KIF13A: variants seen among roughly 807,000 people sequenced by gnomAD.
The protein encoded by KIF13A is kinesin family member 13A.
Under a neutral mutation model 212.2 loss-of-function variants are expected in KIF13A, and 79 were observed. The ratio of observed to expected loss-of-function variants is 0.37; its 90% CI spans 0.31 to 0.45. KIF13A has a LOEUF of 0.45. Among genes scored for constraint, KIF13A ranks in the 20% least tolerant of loss-of-function variants. KIF13A has a pLI of 1.00. For synonymous variants in KIF13A, 789 were observed against 808.6 expected, an observed-to-expected ratio of 0.98 and a Z score of 0.41; for missense variants, 1,901 against 2,209.0, an observed-to-expected ratio of 0.86 and a Z score of 2.79.
In KIF13A at chr6:17,829,542, G is replaced by C. The variant is rs892835066; in HGVS notation, c.1402-1172C>G. ...AAACACACTGCACCTGGCCTCATGT[G>C]ATTTTAAGTACCTGAACCTCAGACA... On this transcript the variant is annotated intron_variant, in intron 13 of 38. Coordinates refer to ENST00000259711, the MANE Select transcript of KIF13A (RefSeq NM_022113.6). This position sits in a 1 kb window ranked among gnomAD's most constrained non-coding sequence, Gnocchi z 5.4. Among the ~76,000 whole-genome samples, 1 of 152,170 alleles carries C rather than the reference G, an allele frequency of 6.6e-6. No individual in the cohort carries two copies. Among genetic ancestry groups the C allele is most frequent in the Non-Finnish European group, 1.5e-5 (1 of 68,036 alleles).
At chr6:17,810,325 G>A (rs1201435929) in intron 17 of KIF13A, among the ~76,000 whole-genome samples, 10 of 152,170 alleles carry the variant, frequency 6.6e-5, no homozygotes, top group Non-Finnish European at 1.3e-4. Flanking sequence ...TCCTCAGGCC[G>A]TTCCTCGGCT....
In KIF13A at chr6:17,837,565, C is replaced by A. The variant is rs768527050; in HGVS notation, c.849G>T (p.Gly283=). The part of the protein sequence containing the change: ...SNINKSLTTL[G]LVISSLADQA... ...GGTCAGCCAGTGATGATATAACCAA[C>A]CCCAAGGTTGTAAGCGATCTGTCAA... Residue 283 remains glycine (G), a synonymous_variant, in exon 10 of 39, where the codon GGG becomes GGT. Coordinates refer to ENST00000259711, the MANE Select transcript of KIF13A (RefSeq NM_022113.6). The surrounding 1 kb of genome is among the most constrained non-coding windows in gnomAD (Gnocchi z 5.4). The A allele has an allele frequency of 6.2e-7, 1 of 1,606,646 alleles. No individual in the cohort carries two copies. Among genetic ancestry groups the A allele is most frequent in the Admixed American group, 1.7e-5 (1 of 59,022 alleles).
Position 17,919,676 on chromosome 6 carries a change from G to A in KIF13A, c.147-21496C>T, listed in dbSNP as rs932286599. Among the ~76,000 whole-genome samples the A allele has an allele frequency of 4.6e-5, 7 of 152,174 alleles. No homozygotes were observed. Among genetic ancestry groups the A allele is most frequent in the Admixed American group, 3.3e-4 (5 of 15,286 alleles). On this transcript the variant is annotated intron_variant, in intron 2 of 38. Coordinates refer to ENST00000259711, the MANE Select transcript of KIF13A (RefSeq NM_022113.6). This position sits in a 1 kb window ranked among gnomAD's most constrained non-coding sequence, Gnocchi z 4.1. ...ATCTAGTTTTCCAGCACACACAGCA[G>A]ATACGACAGCTAACAAGCAGGGCTG...
chr6:17,790,812 G>C (rs1761469402), intron 25 of KIF13A, among the ~76,000 whole-genome samples: 1 of 152,092 alleles, frequency 6.6e-6, no homozygotes, highest in African/African-American at 2.4e-5. Flanking sequence ...AAAAGCAATA[G>C]CATACTATTT....
chr6:17,948,109 CTTT>C (rs1255727493), intron 2 of KIF13A, among the ~76,000 whole-genome samples: 1 of 152,118 alleles, frequency 6.6e-6, no homozygotes, highest in Non-Finnish European at 1.5e-5. Context: ...CTCTATCCTA[CTTT>C]TTTCTATTCT....
At chr6:17,804,248 G>T in intron 20 of KIF13A, 113 bp downstream of exon 20, 2 of 883,698 alleles carry the variant, frequency 2.3e-6, no homozygotes, top group Non-Finnish European at 3.2e-6. Flanking sequence ...TTGACTATTT[G>T]CCTTAGTTTC....
intron 2 of KIF13A, among the ~76,000 whole-genome samples, chr6:17,927,970 T>A (rs780714948): frequency 6.6e-6 from 1 of 152,234 alleles, no homozygotes; most frequent in Non-Finnish European, 1.5e-5. Flanking sequence ...CCAGCTGATA[T>A]GTGAAAGACA....
At position 17,816,106 on chromosome 6, in the gene KIF13A, A is replaced by T. The variant is rs1368714032; in HGVS notation, c.2000+914T>A. 6.6e-6 allele frequency among the ~76,000 whole-genome samples: 1 copy of T among 150,618 alleles called. No individual in the cohort carries two copies. The highest frequency in any genetic ancestry group is 2.0e-4 in the East Asian group (1 of 5,072). On this transcript the variant is annotated intron_variant, in intron 17 of 38. Coordinates refer to ENST00000259711, the MANE Select transcript of KIF13A (RefSeq NM_022113.6). The surrounding 1 kb of genome is among the most constrained non-coding windows in gnomAD (Gnocchi z 4.3). The stretch of plus-strand genomic sequence containing the variant: ...TTTTTTTTCTGTATTTTTAGTAGAG[A>T]CAGGGTTTCACCATGTTGGCCAGGC...
chr6:17,948,338 C>T (rs1312580178), intron 2 of KIF13A, among the ~76,000 whole-genome samples: 2 of 152,122 alleles, frequency 1.3e-5, no homozygotes, highest in Non-Finnish European at 2.9e-5. Flanking sequence ...TGGGAGAAGA[C>T]TCTGTAGATG....
At chr6:17,948,631 C>T (rs1356021968) in intron 2 of KIF13A, among the ~76,000 whole-genome samples, 1 of 132,732 alleles carries the variant, frequency 7.5e-6, no homozygotes, top group South Asian at 2.4e-4. Flanking sequence ...AGCGTGATCT[C>T]GGCTCACTGG....
intron 3 of KIF13A, 25 bp from the exon 4 acceptor site, chr6:17,873,462 A>G: frequency 6.8e-7 from 1 of 1,471,870 alleles, no homozygotes; most frequent in Non-Finnish European, 9.3e-7. Context: ...AAAATATTAA[A>G]CTTAAAGATT....
intron 2 of KIF13A, among the ~76,000 whole-genome samples, chr6:17,907,573 T>G (rs1476980469): frequency 6.8e-6 from 1 of 147,278 alleles, no homozygotes; most frequent in Non-Finnish European, 1.5e-5. Context: ...AAAAAGGAAC[T>G]GGTATGACAA....
intron 2 of KIF13A, among the ~76,000 whole-genome samples, chr6:17,977,765 A>G (rs1780711856): frequency 1.3e-5 from 2 of 152,222 alleles, no homozygotes; most frequent in African/African-American, 4.8e-5. Context: ...GATTTGTTAC[A>G]TATTGTATAC....
rs1562023209 is a variant in KIF13A, at chr6:17,826,190, A to G, written c.1533-66T>C. On this transcript the variant is annotated intron_variant, in intron 14 of 38. Transcript: ENST00000259711. The surrounding 1 kb of genome is among the most constrained non-coding windows in gnomAD (Gnocchi z 4.7). The stretch of plus-strand genomic sequence containing the variant: ...AGCACAAGACCTTGTCCTGGTAGCC[A>G]AAGAGATAACTAGGGGAGCTTTCTC... 1 of 1,217,878 alleles carries G rather than the reference A, an allele frequency of 8.2e-7. No individual in the cohort carries two copies. 75.4% of individuals were successfully genotyped at this position (1,217,878 alleles called of 1,614,324 possible). A position where few individuals can be genotyped will look rare whatever the true frequency, so the allele number is the denominator to read the frequency against.
At chr6:17,804,150 T>TCAAACAAA (rs60485477) in intron 20 of KIF13A, among the ~76,000 whole-genome samples, 5,655 of 150,714 alleles carry the variant, frequency 0.038, 135 homozygotes, top group Non-Finnish European at 0.046. Context: ...AGACTCCGTC[T>TCAAACAAA]CAAACAAACA....
rs991338947 is a variant in KIF13A at position 17,768,597 on chromosome 6, A to G, written c.4581+2517T>C. On this transcript the variant is annotated intron_variant, in intron 38 of 38. Transcript: ENST00000259711. The surrounding 1 kb of genome is among the most constrained non-coding windows in gnomAD (Gnocchi z 5.4). Reference sequence around the variant, plus strand: ...CTGCAGGGCATACTGGAATTGCACTATATTTGAAAGCACCTGGAGTCACTG... The same window carrying G: ...CTGCAGGGCATACTGGAATTGCACTGTATTTGAAAGCACCTGGAGTCACTG... 6.6e-6 allele frequency among the ~76,000 whole-genome samples: 1 copy of G among 152,234 alleles called. No homozygotes were observed. Among genetic ancestry groups the G allele is most frequent in the African/African-American group, 2.4e-5 (1 of 41,462 alleles).
chr6:17,971,933 A>G lies in KIF13A; in HGVS notation c.146+15121T>C, dbSNP rs79409858. Among the ~76,000 whole-genome samples, 9,880 of 152,266 alleles carry G rather than the reference A, an allele frequency of 0.065. 369 individuals carry two copies. The highest frequency in any genetic ancestry group is 0.092 in the Middle Eastern group (27 of 294). On this transcript the variant is annotated intron_variant, in intron 2 of 38. Coordinates refer to ENST00000259711, the MANE Select transcript of KIF13A (RefSeq NM_022113.6). The surrounding 1 kb of genome is among the most constrained non-coding windows in gnomAD (Gnocchi z 4.2). ...AGAGCTTAAAAAAAATGTCCCTAGGATTACAGTAGACCAGCAATTTTTGAA... is the reference window on the plus strand; with the variant it reads ...AGAGCTTAAAAAAAATGTCCCTAGGGTTACAGTAGACCAGCAATTTTTGAA...
intron 4 of KIF13A, among the ~76,000 whole-genome samples, chr6:17,870,070 C>T (rs1769859646): frequency 6.6e-6 from 1 of 152,094 alleles, no homozygotes; most frequent in South Asian, 2.1e-4. Context: ...CTACACGTAA[C>T]GTATTTACTA....
intron 2 of KIF13A, among the ~76,000 whole-genome samples, chr6:17,939,173 C>A (rs1328699913): frequency 6.6e-6 from 1 of 152,176 alleles, no homozygotes; most frequent in African/African-American, 2.4e-5. Context: ...CCTTGTGCAT[C>A]TGCTACATAT....
Sources: allele counts gnomAD v4.1 joint callset (sites outside exome capture counted in the v4.1 genomes callset), GRCh38; gene constraint gnomAD v4.1.1; non-coding constraint Gnocchi (gnomAD v3.1); transcripts MANE v1.5; gene names NCBI Gene and HGNC (gene_info 2026-07-23, HGNC 2026-07-21).